Variants in TGFBR3 observed in about 807,000 individuals in gnomAD.
TGFBR3 encodes transforming growth factor beta receptor 3.
A neutral mutation model predicts 87.9 loss-of-function variants in TGFBR3; 46 were observed. That is an observed-to-expected ratio of 0.52 (90% CI 0.41 to 0.67). The LOEUF is 0.67. TGFBR3 is among the 30% of genes least tolerant of loss of function. The pLI, the probability that TGFBR3 is intolerant of heterozygous loss-of-function variation, is 0.00. For synonymous variants in TGFBR3, 381 were observed against 391.6 expected (o/e 0.97, Z 0.32); for missense variants, 866 against 1,041.9 (o/e 0.83, Z 2.32).
intron 1 of TGFBR3, among the ~76,000 whole-genome samples, chr1:91,884,644 C>T (rs28403919): frequency 0.26 from 39,337 of 152,206 alleles, 5,574 homozygotes; most frequent in Non-Finnish European, 0.31. Context: ...GGACAAGTAA[C>T]TTAACCTCTA....
intron 1 of TGFBR3, among the ~76,000 whole-genome samples, chr1:91,880,424 C>A (rs1182847604): frequency 2.0e-5 from 3 of 151,966 alleles, no homozygotes; most frequent in Admixed American, 2.0e-4. Context: ...ACGGTGAAAC[C>A]CTGTCTCTAC....
chr1:91,854,251 C>T (rs1042418008), intron 2 of TGFBR3, among the ~76,000 whole-genome samples: 1 of 152,124 alleles, frequency 6.6e-6, no homozygotes, highest in Admixed American at 6.5e-5. Flanking sequence ...AGAGGTGACC[C>T]CCACTCACCT....
At chr1:91,894,906 G>A (rs556690360) in intron 2 of TGFBR3, among the ~76,000 whole-genome samples, 1 of 152,268 alleles carries the variant, frequency 6.6e-6, no homozygotes, top group Admixed American at 6.5e-5. Flanking sequence ...GAGTAGCTGG[G>A]ACTACAGGTA....
At chr1:91,705,341 A>C (rs145857243) in intron 14 of TGFBR3, among the ~76,000 whole-genome samples, 2,780 of 151,272 alleles carry the variant, frequency 0.018, 71 homozygotes, top group African/African-American at 0.064. Flanking sequence ...TCTCTGCCTC[A>C]GCCTAAAGAG....
At chr1:91,807,346 C>T (rs1388761730) in intron 2 of TGFBR3, among the ~76,000 whole-genome samples, 2 of 152,168 alleles carry the variant, frequency 1.3e-5, no homozygotes, top group East Asian at 3.9e-4. Context: ...AACTCTTAGG[C>T]ATATCTTATC....
intron 4 of TGFBR3, among the ~76,000 whole-genome samples, chr1:91,743,716 G>A (rs1673234410): frequency 6.6e-6 from 1 of 152,198 alleles, no homozygotes; most frequent in Non-Finnish European, 1.5e-5. Flanking sequence ...AAATCTTGAT[G>A]TCCAATTAAC....
intron 2 of TGFBR3, among the ~76,000 whole-genome samples, chr1:91,833,124 G>A (rs147290296): frequency 0.01 from 1,545 of 150,880 alleles, 28 homozygotes; most frequent in African/African-American, 0.036. Context: ...GCGAAACCCC[G>A]TCTCTACTAA....
At position 91,681,394 on chromosome 1, in the gene TGFBR3, TC is replaced by T. The variant is rs996975677; in HGVS notation, c.*2344del. ...CCAAACAAATAAAAGGTGATTTTTT[TC>T]CTCTCTCTCTCTTTTAAAAAGATCT... On this transcript the variant is annotated 3_prime_UTR_variant, in exon 17 of 17. Coordinates refer to ENST00000212355, the MANE Select transcript of TGFBR3 (RefSeq NM_003243.5). The T allele has an allele frequency of 5.0e-6, 2 of 403,472 alleles. No individual in the cohort carries two copies. The highest frequency in any genetic ancestry group is 4.2e-5 in the African/African-American group (2 of 47,776). The allele number at this position is 403,472 out of a possible 1,614,324, so 25.0% of individuals were successfully genotyped here. A position where few individuals can be genotyped will look rare whatever the true frequency, so the allele number is the denominator to read the frequency against.
chr1:91,875,848 C>T (rs1420977529), intron 1 of TGFBR3, among the ~76,000 whole-genome samples: 1 of 115,330 alleles, frequency 8.7e-6, no homozygotes, highest in Non-Finnish European at 1.7e-5. Flanking sequence ...GAGGCGGAGA[C>T]TGCAGTGAGC....
chr1:91,885,999 T>C lies in TGFBR3; in HGVS notation c.-235A>G, dbSNP rs1458032503. The stretch of plus-strand genomic sequence containing the variant: ...GGCAGCTGCTGCGCCGCGGCAAAAC[T>C]ACGCCATCCGGACCCGCTGGGGACT... On this transcript the variant is annotated 5_prime_UTR_variant, in exon 1 of 17. The change abolishes the stop of an existing upstream ORF in the 5' untranslated region. Transcript: ENST00000212355. 3 of 452,952 alleles carry C rather than the reference T, an allele frequency of 6.6e-6. No individual in the cohort carries two copies. The highest frequency in any genetic ancestry group is 4.7e-5 in the South Asian group (3 of 64,374). The allele number at this position is 452,952 out of a possible 1,614,324, so 28.1% of individuals were successfully genotyped here. A position where few individuals can be genotyped will look rare whatever the true frequency, so the allele number is the denominator to read the frequency against.
chr1:91,755,065 C>T (rs991307942), intron 4 of TGFBR3: 5 of 152,118 alleles, frequency 3.3e-5, no homozygotes, highest in Non-Finnish European at 7.4e-5. Context: ...TGGGTAACCT[C>T]GGAGAAGACA....
At chr1:91,683,898 A>G (rs527339701) in intron 16 of TGFBR3, 41 bp from the exon 17 acceptor site, 2 of 1,504,490 alleles carry the variant, frequency 1.3e-6, no homozygotes, top group East Asian at 4.8e-5. Flanking sequence ...AGAAAGACGC[A>G]TATTATGTAT....
At chr1:91,897,985 C>CAAGACCAGCCTGGGCAAT (rs1679586358) in intron 2 of TGFBR3, among the ~76,000 whole-genome samples, 1 of 151,044 alleles carries the variant, frequency 6.6e-6, no homozygotes, top group South Asian at 2.1e-4. Context: ...CCCAGGAATT[C>CAAGACCAGCCTGGGCAAT]AAGACCAGCC....
chr1:91,712,233 G>C lies in TGFBR3; in HGVS notation c.2166+10C>G. ...AAAATAACCATCCGAATGGATGAAG[G>C]CCCACAAACCTTAGGCAACTTCTGG... On this transcript the variant is annotated intron_variant, in intron 13 of 16. Transcript: ENST00000212355. The C allele has an allele frequency of 1.9e-6, 3 of 1,613,460 alleles. No individual in the cohort carries two copies. The highest frequency in any genetic ancestry group is 2.5e-6 in the Non-Finnish European group (3 of 1,179,586).
intron 7 of TGFBR3, among the ~76,000 whole-genome samples, chr1:91,725,560 G>A (rs1041029582): frequency 6.6e-6 from 1 of 152,178 alleles, no homozygotes; most frequent in East Asian, 1.9e-4. Flanking sequence ...ACATGCGCAG[G>A]CCCTGTGTCC....
intron 2 of TGFBR3, among the ~76,000 whole-genome samples, chr1:91,816,779 T>G (rs1256838506): frequency 6.6e-6 from 1 of 152,216 alleles, no homozygotes; most frequent in African/African-American, 2.4e-5. Context: ...ATTAAGAAAT[T>G]TAGTTATATA....
At chr1:91,876,870 GT>G (rs1371045592) in intron 1 of TGFBR3, among the ~76,000 whole-genome samples, 1 of 151,858 alleles carries the variant, frequency 6.6e-6, no homozygotes, top group Non-Finnish European at 1.5e-5. Context: ...TAAAATGTGT[GT>G]CTACAGTCCT....
intron 2 of TGFBR3, among the ~76,000 whole-genome samples, chr1:91,809,721 T>A (rs768231825): frequency 2.0e-5 from 3 of 152,180 alleles, no homozygotes; most frequent in Non-Finnish European, 4.4e-5. Context: ...GAATGCCAAA[T>A]TATTCAGCTT....
chr1:91,761,457 C>T (rs1673959436), intron 3 of TGFBR3, among the ~76,000 whole-genome samples: 1 of 152,150 alleles, frequency 6.6e-6, no homozygotes, highest in African/African-American at 2.4e-5. Context: ...CCCCAAAAGC[C>T]ATTTGGCAAA....
Sources: allele counts gnomAD v4.1 joint callset (sites outside exome capture counted in the v4.1 genomes callset), GRCh38; gene constraint gnomAD v4.1.1; transcripts MANE v1.5; gene names NCBI Gene and HGNC (gene_info 2026-07-23, HGNC 2026-07-21).